The following PIGT variants were observed in gnomAD, a reference collection of about 807,000 sequenced individuals.
PIGT encodes the protein GPI-anchor transamidase component PIGT.
In PIGT, 57 loss-of-function variants were observed where a neutral mutation model predicts 66.7. That is an observed-to-expected ratio of 0.86 (90% CI 0.69 to 1.07). PIGT has a LOEUF of 1.07. PIGT is among the 50% of genes least tolerant of loss of function. PIGT has a pLI of 0.00. For missense variants in PIGT, 725 were observed against 740.4 expected, an observed-to-expected ratio of 0.98 and a Z score of 0.24; for synonymous variants, 362 against 320.5, an observed-to-expected ratio of 1.13 and a Z score of -1.38.
At chr20:45,416,472 C>G in intron 1 of PIGT, 45 bp from the exon 2 acceptor site, 1 of 1,595,226 alleles carries the variant, frequency 6.3e-7, no homozygotes, top group Non-Finnish European at 8.6e-7. Context: ...GGGTGTGGAC[C>G]CCGACGAGGT....
In PIGT at chr20:45,418,862, T is replaced by C. The variant is rs1364701951; in HGVS notation, c.376T>C (p.Ser126Pro). The C allele has an allele frequency of 6.2e-7, 1 of 1,614,010 alleles. No homozygotes were observed. The highest frequency in any genetic ancestry group is 1.3e-5 in the African/African-American group (1 of 75,004). The change falls in exon 3 of 12, where the codon TCT becomes CCT. Residue 126 changes from serine (S) to proline (P), a missense_variant. Coordinates refer to ENST00000279036, the MANE Select transcript of PIGT (RefSeq NM_015937.6). ...FQDTVTDVDKSWKELSNVLSG... is the reference protein window; with the variant it reads ...FQDTVTDVDKPWKELSNVLSG... The stretch of plus-strand genomic sequence containing the variant: ...TGTGTCTCTATCCAGTGTGGATAAA[T>C]CTTGGAAGGAGCTCAGTAATGTCCT...
Position 45,416,273 on chromosome 20 carries a change from G to C in PIGT, c.117G>C (p.Leu39=). 1 of 1,595,610 alleles carries C rather than the reference G, an allele frequency of 6.3e-7. No individual in the cohort carries two copies. Among genetic ancestry groups the C allele is most frequent in the Non-Finnish European group, 8.5e-7 (1 of 1,171,310 alleles). ...SLREELVITP[L]PSGDVAATFQ... The stretch of plus-strand genomic sequence containing the variant: ...GGGAGGAACTTGTCATCACCCCGCT[G>C]CCTTCCGGGGACGTAGCCGCCACAT... The change falls in exon 1 of 12, where the codon CTG becomes CTC. Residue 39 remains leucine (L), a synonymous_variant. Coordinates refer to ENST00000279036, the MANE Select transcript of PIGT (RefSeq NM_015937.6).
intron 11 of PIGT, 30 bp downstream of exon 11, chr20:45,424,609 A>G (rs1990596340): frequency 6.4e-7 from 1 of 1,567,952 alleles, no homozygotes; most frequent in South Asian, 1.1e-5. Flanking sequence ...CTGATAACAC[A>G]TCCTCAGCTG....
intron 11 of PIGT, 36 bp downstream of exon 11, chr20:45,424,615 A>C: frequency 6.4e-7 from 1 of 1,553,282 alleles, no homozygotes; most frequent in Non-Finnish European, 8.9e-7. Flanking sequence ...ACACATCCTC[A>C]GCTGCCTGCT....
intron 11 of PIGT, chr20:45,425,195 CTTTCTTTCTTTCTCTT>C (rs1568955008): frequency 1.3e-4 from 16 of 120,942 alleles, no homozygotes; most frequent in African/African-American, 4.6e-4. Context: ...TTCTTTCTTT[CTTTCTTTCTTTCTCTT>C]TCTTTCTTTC....
chr20:45,416,394 T>C (rs1248178355), intron 1 of PIGT, 51 bp downstream of exon 1: 9 of 1,549,278 alleles, frequency 5.8e-6, no homozygotes, highest in Admixed American at 1.9e-5. Context: ...GCCTGCTGGC[T>C]GGCCGGCCGT....
chr20:45,418,774 T>G (rs1055840061), intron 2 of PIGT, 78 bp from the exon 3 acceptor site: 34 of 1,566,858 alleles, frequency 2.2e-5, no homozygotes, highest in Non-Finnish European at 3.0e-5. Flanking sequence ...TATCATAGGT[T>G]TAGCAGCCAG....
At chr20:45,424,081 T>G in intron 9 of PIGT, 135 bp from the exon 10 acceptor site, 2 of 719,714 alleles carry the variant, frequency 2.8e-6, no homozygotes, top group Non-Finnish European at 4.8e-6. Flanking sequence ...TTTCTTCCCT[T>G]GCCTGCCTGG....
In PIGT at chr20:45,416,635, C is replaced by T. The variant is rs201701603; in HGVS notation, c.306C>T (p.Pro102=). ...GGAGGACCCGATACTGGGGGCCACC[C>T]TTCCTGCAGGCCCCATCAGGTGCAG... ...GFWRTRYWGP[P]FLQAPSGAEL... The change falls in exon 2 of 12, where the codon CCC becomes CCT. Residue 102 remains proline, a synonymous_variant. Coordinates refer to ENST00000279036, the MANE Select transcript of PIGT (RefSeq NM_015937.6). 2.7e-5 allele frequency: 44 copies of T among 1,614,154 alleles called. No individual in the cohort carries two copies. The Middle Eastern group carries it at 4.9e-4, about 18-fold the overall frequency.
chr20:45,424,503 G>T lies in PIGT; in HGVS notation c.1408G>T (p.Val470Phe). ...CTCTCTGCTTCTCTGTAGCCCATCT[G>T]TCCTCAGCGCCCTTGTGCCCAGCAT... ...PNHGFYVSPS[V>F]LSALVPSMVA... is the part of the protein sequence containing the mutation. The change falls in exon 11 of 12, where the codon GTC becomes TTC. Residue 470 changes from valine (V) to phenylalanine (F), a missense_variant. This residue lies in a region of PIGT where 162 missense variants were observed against 171.1 expected (regional missense o/e 0.95). Transcript: ENST00000279036. 6.2e-7 allele frequency: 1 copy of T among 1,614,154 alleles called. No homozygotes were observed. The highest frequency in any genetic ancestry group is 8.5e-7 in the Non-Finnish European group (1 of 1,180,024).
Position 45,416,277 on chromosome 20 carries a change from T to G in PIGT, c.121T>G (p.Ser41Ala). 1 of 1,596,094 alleles carries G rather than the reference T, an allele frequency of 6.3e-7. No individual in the cohort carries two copies. Among genetic ancestry groups the G allele is most frequent in the Non-Finnish European group, 8.5e-7 (1 of 1,171,596 alleles). ...REELVITPLP[S>A]GDVAATFQFR... ...GGAACTTGTCATCACCCCGCTGCCT[T>G]CCGGGGACGTAGCCGCCACATTCCA... is the stretch of plus-strand genomic sequence containing the variant. Residue 41 changes from serine to alanine, a missense_variant, in exon 1 of 12, where the codon TCC becomes GCC. This residue lies in a region of PIGT where 559 missense variants were observed against 552.7 expected (regional missense o/e 1.01). Coordinates refer to ENST00000279036, the MANE Select transcript of PIGT (RefSeq NM_015937.6).
In PIGT at chr20:45,424,580, G is replaced by A. The variant is rs972642711; in HGVS notation, c.1484+1G>A. The A allele has an allele frequency of 1.2e-6, 2 of 1,612,844 alleles. No individual in the cohort carries two copies. Among genetic ancestry groups the A allele is most frequent in the African/African-American group, 1.3e-5 (1 of 74,876 alleles). On this transcript the variant is annotated splice_donor_variant, in intron 11 of 11. Coordinates refer to ENST00000279036, the MANE Select transcript of PIGT (RefSeq NM_015937.6). LOFTEE classifies it high-confidence loss of function. ...AAGAGAGTCCCCTCTTCAACAGCCT[G>A]TAAGTGTGACCACACTCACTGATAA... is the stretch of plus-strand genomic sequence containing the variant.
Position 45,418,924 on chromosome 20 carries a change from C to T in PIGT, c.438C>T (p.Asp146=), listed in dbSNP as rs747705835. The T allele has an allele frequency of 1.2e-5, 20 of 1,614,028 alleles. No homozygotes were observed. The East Asian group carries it at 4.0e-4, about 32-fold the overall frequency. The change falls in exon 3 of 12, where the codon GAC becomes GAT. Residue 146 remains aspartate (D), a synonymous_variant. Coordinates refer to ENST00000279036, the MANE Select transcript of PIGT (RefSeq NM_015937.6). ...TCTGCGCCTCTCTCAACTTCATCGACTCCACCAACACAGTCACTCCCACTG... is the reference window on the plus strand; with the variant it reads ...TCTGCGCCTCTCTCAACTTCATCGATTCCACCAACACAGTCACTCCCACTG... ...GIFCASLNFI[D]STNTVTPTAS...
rs530768714 is a variant in PIGT, at chr20:45,421,386, C to T, written c.1037C>T (p.Ala346Val). The change falls in exon 9 of 12, where the codon GCC becomes GTC. Residue 346 changes from alanine (A) to valine (V), a missense_variant. By Grantham distance (64) the Ala-to-Val change is moderately conservative (BLOSUM62 0). This residue lies in a region of PIGT where 559 missense variants were observed against 552.7 expected (regional missense o/e 1.01). Transcript: ENST00000279036. ...CTGTTGATATTTCTTTACACAGAGGCCCCCCCAGTGCCCTTCCTGCATGCC... is the reference window on the plus strand; with the variant it reads ...CTGTTGATATTTCTTTACACAGAGGTCCCCCCAGTGCCCTTCCTGCATGCC... ...LKWKRPPENE[A>V]PPVPFLHAQR... 5 of 1,610,254 alleles carry T rather than the reference C, an allele frequency of 3.1e-6. No individual in the cohort carries two copies. The African/African-American group carries it at 4.0e-5, about 13-fold the overall frequency.
intron 1 of PIGT, 84 bp downstream of exon 1, chr20:45,416,427 G>T: frequency 6.4e-7 from 1 of 1,558,408 alleles, no homozygotes; most frequent in South Asian, 1.2e-5. Flanking sequence ...AACTTTGGGG[G>T]CGGGGCCTAA....
rs772469401 is a variant in PIGT, at chr20:45,420,554, A to G, written c.894A>G (p.Pro298=). The G allele has an allele frequency of 6.2e-7, 1 of 1,613,092 alleles. No individual in the cohort carries two copies. The highest frequency in any genetic ancestry group is 1.1e-5 in the South Asian group (1 of 91,034). Residue 298 remains proline (P), a synonymous_variant, in exon 8 of 12, where the codon CCA becomes CCG. Coordinates refer to ENST00000279036, the MANE Select transcript of PIGT (RefSeq NM_015937.6). ...NQDNETLEVH[P]PPTTTYQDVI... The stretch of plus-strand genomic sequence containing the variant: ...ACAACGAGACATTAGAGGTGCACCC[A>G]CCCCCGACCACTACATATCAGGACG...
At chr20:45,418,761 T>G in intron 2 of PIGT, 91 bp from the exon 3 acceptor site, 1 of 1,501,804 alleles carries the variant, frequency 6.7e-7, no homozygotes, top group Non-Finnish European at 9.2e-7. Flanking sequence ...TACAGCCTCC[T>G]CCTATCATAG....
rs1990277301 is a variant in PIGT at position 45,420,313 on chromosome 20, C to T, written c.770-19C>T. ...GGCCTAGGCCTGGCCCCTGCTCAGCCCTGCGCTCTGTTTCTCAGACTGGTC... is the reference window on the plus strand; with the variant it reads ...GGCCTAGGCCTGGCCCCTGCTCAGCTCTGCGCTCTGTTTCTCAGACTGGTC... On this transcript the variant is annotated intron_variant, in intron 6 of 11. Transcript: ENST00000279036. 1.2e-6 allele frequency: 2 copies of T among 1,607,094 alleles called. No homozygotes were observed. The highest frequency in any genetic ancestry group is 1.3e-5 in the African/African-American group (1 of 74,778).
chr20:45,418,692 G>A, intron 2 of PIGT, 160 bp from the exon 3 acceptor site: 5 of 797,062 alleles, frequency 6.3e-6, no homozygotes, highest in East Asian at 5.4e-5. Context: ...CCAGCAAGTG[G>A]GCTGGCTGGG....
Sources: allele counts gnomAD v4.1 joint callset, GRCh38; gene constraint gnomAD v4.1.1; regional missense constraint gnomAD v4.1.1; transcripts MANE v1.5; gene names NCBI Gene and HGNC (gene_info 2026-07-23, HGNC 2026-07-21).